Variants in EEF1AKMT2 observed in about 807,000 individuals in gnomAD.
The protein encoded by EEF1AKMT2 is EEF1A lysine methyltransferase 2.
In EEF1AKMT2, 32 loss-of-function variants were observed where a neutral mutation model predicts 35.8. That is an observed-to-expected ratio of 0.89 (90% CI 0.67 to 1.20). The LOEUF (loss-of-function observed/expected upper bound fraction) is 1.20. EEF1AKMT2 is among the 50% of genes most tolerant of loss of function. The pLI is 0.00. For synonymous variants in EEF1AKMT2, 121 were observed against 133.7 expected, an observed-to-expected ratio of 0.91 and a Z score of 0.65; for missense variants, 330 against 347.5, an observed-to-expected ratio of 0.95 and a Z score of 0.40.
intron 5 of EEF1AKMT2, among the ~76,000 whole-genome samples, chr10:124,765,122 C>T (rs113737438): frequency 6.6e-5 from 10 of 152,250 alleles, no homozygotes; most frequent in African/African-American, 2.2e-4. Context: ...AGGCTGAGAA[C>T]TTAATTTTTA....
chr10:124,770,030 C>G (rs572704560), intron 4 of EEF1AKMT2, among the ~76,000 whole-genome samples: 23 of 150,974 alleles, frequency 1.5e-4, no homozygotes, highest in African/African-American at 5.6e-4. Context: ...TGCCTGTAAT[C>G]CCAACACTTT....
At chr10:124,774,556 T>C in intron 4 of EEF1AKMT2, 119 bp downstream of exon 4, 1 of 519,740 alleles carries the variant, frequency 1.9e-6, no homozygotes, top group Non-Finnish European at 2.9e-6. Context: ...TTAAAAATGT[T>C]TCAATTTGTA....
intron 3 of EEF1AKMT2, among the ~76,000 whole-genome samples, chr10:124,787,767 T>C (rs1950599752): frequency 6.6e-6 from 1 of 151,862 alleles, no homozygotes; most frequent in Admixed American, 6.6e-5. Flanking sequence ...GGAGTAATAA[T>C]TGGTAGAGAG....
chr10:124,762,567 CAG>C lies in EEF1AKMT2; in HGVS notation c.617-11_617-10del, dbSNP rs536591971. 1.0e-4 allele frequency: 118 copies of C among 1,184,566 alleles called. 1 individual carries two copies. The Admixed American group carries it at 1.4e-3, about 14-fold the overall frequency. 73.4% of individuals were successfully genotyped at this position (1,184,566 alleles called of 1,614,324 possible). On this transcript the variant is annotated splice_polypyrimidine_tract_variant and intron_variant, in intron 5 of 6. Transcript: ENST00000368836. ...TGCCACTGTACTCCAACCTGGGCAA[CAG>C]AGAGAGAGACAGACCGTTTCAAAAA...
intron 4 of EEF1AKMT2, among the ~76,000 whole-genome samples, chr10:124,767,302 A>G (rs983405033): frequency 6.6e-6 from 1 of 151,666 alleles, no homozygotes; most frequent in Non-Finnish European, 1.5e-5. Context: ...TCATGAGGTC[A>G]GGAGATCAAG....
chr10:124,773,333 T>C (rs1950456189), intron 4 of EEF1AKMT2, among the ~76,000 whole-genome samples: 1 of 151,994 alleles, frequency 6.6e-6, no homozygotes, highest in African/African-American at 2.4e-5. Flanking sequence ...TTTAAAACAG[T>C]CTCCCTCTGT....
At chr10:124,771,314 T>C (rs182400308) in intron 4 of EEF1AKMT2, among the ~76,000 whole-genome samples, 2 of 151,764 alleles carry the variant, frequency 1.3e-5, no homozygotes, top group Non-Finnish European at 2.9e-5. Flanking sequence ...TTAGCCAGGA[T>C]GGTCTTGATC....
intron 3 of EEF1AKMT2, among the ~76,000 whole-genome samples, chr10:124,777,211 G>A (rs555788025): frequency 1.1e-3 from 163 of 151,558 alleles, no homozygotes; most frequent in African/African-American, 3.8e-3. Context: ...CCCAGGAGGT[G>A]GAGGTTATAG....
In EEF1AKMT2 at chr10:124,771,269, C is replaced by T. The variant is rs572176131; in HGVS notation, c.399+3406G>A. 1.8e-4 allele frequency among the ~76,000 whole-genome samples: 28 copies of T among 151,686 alleles called. No individual in the cohort carries two copies. In the South Asian group the frequency reaches 4.6e-3, roughly 25 times the overall value. ...CACCTGCCACCACACCTGGCTAATT[C>T]TTTGTATTTTTAGTAGAGATGGGGT... On this transcript the variant is annotated intron_variant, in intron 4 of 6. Coordinates refer to ENST00000368836, the MANE Select transcript of EEF1AKMT2 (RefSeq NM_212554.4).
rs1219277242 is a variant in EEF1AKMT2 at position 124,789,103 on chromosome 10, A to C, written c.231T>G (p.Ile77Met). 1 of 1,613,878 alleles carries C rather than the reference A, an allele frequency of 6.2e-7. No individual in the cohort carries two copies. The stretch of plus-strand genomic sequence containing the variant: ...TATCAAGCACTGAAGCATCCAGTGG[A>C]ATCTTGTGTTTCTGCATCCACCTTA... ...RLIRWMQKHK[I>M]PLDASVLDIG... is the part of the protein sequence containing the mutation. Residue 77 changes from isoleucine (I) to methionine (M), a missense_variant, in exon 3 of 7, where the codon ATT becomes ATG. By Grantham distance (10) the Ile-to-Met change is conservative. Coordinates refer to ENST00000368836, the MANE Select transcript of EEF1AKMT2 (RefSeq NM_212554.4).
chr10:124,767,917 C>A (rs59756378), intron 4 of EEF1AKMT2, among the ~76,000 whole-genome samples: 1 of 152,128 alleles, frequency 6.6e-6, no homozygotes, highest in African/African-American at 2.4e-5. Flanking sequence ...ACCCAGGAAA[C>A]GGAGGTTGCG....
intron 4 of EEF1AKMT2, among the ~76,000 whole-genome samples, chr10:124,768,490 A>T (rs189762443): frequency 6.6e-6 from 1 of 152,284 alleles, no homozygotes; most frequent in East Asian, 1.9e-4. Flanking sequence ...CACACCTGTA[A>T]TCTCAACACT....
In EEF1AKMT2 at chr10:124,767,195, A is replaced by C. The variant is rs1422289630; in HGVS notation, c.400-1587T>G. ...AAAAAAAAAAAAAACAGTAAACAAA[A>C]TAGAAAAGGTCCCTGTATGAAAACA... On this transcript the variant is annotated intron_variant, in intron 4 of 6. Transcript: ENST00000368836. Among the ~76,000 whole-genome samples, 3 of 150,112 alleles carry C rather than the reference A, an allele frequency of 2.0e-5. No homozygotes were observed. The East Asian group carries it at 5.9e-4, about 29-fold the overall frequency.
downstream of EEF1AKMT2, among the ~76,000 whole-genome samples, chr10:124,757,166 CCACACACACACACACACACA>C (rs55709011): frequency 1.4e-5 from 2 of 143,174 alleles, no homozygotes; most frequent in African/African-American, 5.2e-5. Flanking sequence ...ACACTCCCTC[CCACACACACACACACACACA>C]CACACACACA....
At position 124,759,945 on chromosome 10, in the gene EEF1AKMT2, A is replaced by C. The variant is rs1950316745; in HGVS notation, c.*558T>G. On this transcript the variant is annotated 3_prime_UTR_variant, in exon 7 of 7. Coordinates refer to ENST00000368836, the MANE Select transcript of EEF1AKMT2 (RefSeq NM_212554.4). ...TTAAGTTTAAAAATAACCGCCATCC[A>C]ACACAAAATAGTATTTCTTGTTATA... The C allele has an allele frequency of 6.5e-6, 1 of 154,200 alleles. No homozygotes were observed. 9.6% of individuals were successfully genotyped at this position (154,200 alleles called of 1,614,324 possible).
In EEF1AKMT2 at chr10:124,758,220, C is replaced by T. The variant is rs533307737; in HGVS notation, c.*2283G>A. Reference sequence around the variant, plus strand: ...ACAGCATTCACTATGTAACTTACTGCTTTTTATAAGTGCATAATTTCTGTC... The same window carrying T: ...ACAGCATTCACTATGTAACTTACTGTTTTTTATAAGTGCATAATTTCTGTC... On this transcript the variant is annotated 3_prime_UTR_variant, in exon 7 of 7. Coordinates refer to ENST00000368836, the MANE Select transcript of EEF1AKMT2 (RefSeq NM_212554.4). 6.6e-6 allele frequency: 1 copy of T among 152,256 alleles called. No individual in the cohort carries two copies. Among genetic ancestry groups the T allele is most frequent in the Admixed American group, 6.5e-5 (1 of 15,294 alleles). The allele number at this position is 152,256 out of a possible 1,614,324, so 9.4% of individuals were successfully genotyped here.
chr10:124,760,880 T>C (rs938254314), intron 6 of EEF1AKMT2, among the ~76,000 whole-genome samples: 3 of 152,252 alleles, frequency 2.0e-5, no homozygotes, highest in Non-Finnish European at 4.4e-5. Context: ...TTTGTTTGTT[T>C]GCTTTTTGAG....
At chr10:124,782,089 A>G (rs942523471) in intron 3 of EEF1AKMT2, among the ~76,000 whole-genome samples, 1 of 152,226 alleles carries the variant, frequency 6.6e-6, no homozygotes, top group African/African-American at 2.4e-5. Context: ...GCAACCACTA[A>G]AACAGCCATA....
At chr10:124,790,207 T>G in intron 2 of EEF1AKMT2, 66 bp downstream of exon 2, 1 of 1,309,448 alleles carries the variant, frequency 7.6e-7, no homozygotes, top group South Asian at 1.2e-5. Context: ...TATACGTATT[T>G]TTTTAAACAC....
Sources: allele counts gnomAD v4.1 joint callset (sites outside exome capture counted in the v4.1 genomes callset), GRCh38; gene constraint gnomAD v4.1.1; transcripts MANE v1.5; gene names NCBI Gene and HGNC (gene_info 2026-07-23, HGNC 2026-07-21).